The following AKAP10 variants were observed in gnomAD, a reference collection of about 807,000 sequenced individuals.
AKAP10 encodes the protein A-kinase anchoring protein 10.
Under a neutral mutation model 80.8 loss-of-function variants are expected in AKAP10, and 24 were observed. The observed-to-expected ratio is 0.30, with a 90% CI of 0.22 to 0.42. The LOEUF is 0.42. Ranked by LOEUF, AKAP10 falls within the 10% of genes least tolerant of loss-of-function variation. AKAP10 has a pLI of 1.00. For missense variants in AKAP10, 661 were observed against 794.9 expected (o/e 0.83, Z 2.03); for synonymous variants, 291 against 277.7 (o/e 1.05, Z -0.48).
intron 4 of AKAP10, among the ~76,000 whole-genome samples, chr17:19,954,851 A>G (rs1427682355): frequency 6.6e-6 from 1 of 152,048 alleles, no homozygotes; most frequent in East Asian, 1.9e-4. Flanking sequence ...TTGCTTAGGC[A>G]AAGGGCTCTT....
At chr17:19,946,273 ATAT>A (rs1567766044) in intron 5 of AKAP10, among the ~76,000 whole-genome samples, 30 of 19,810 alleles carry the variant, frequency 1.5e-3, no homozygotes, top group Non-Finnish European at 2.1e-3. Flanking sequence ...ATATATATAT[ATAT>A]TTTTTTTTTT....
chr17:19,926,628 TCAAA>T (rs2042877795), intron 10 of AKAP10, among the ~76,000 whole-genome samples: 4 of 152,268 alleles, frequency 2.6e-5, no homozygotes, highest in Admixed American at 2.0e-4. Context: ...TGCTCTCTCA[TCAAA>T]CAATCTGAAA....
intron 14 of AKAP10, among the ~76,000 whole-genome samples, chr17:19,908,518 C>T (rs2042655559): frequency 6.6e-6 from 1 of 152,174 alleles, no homozygotes; most frequent in Admixed American, 6.5e-5. Flanking sequence ...CACACATATA[C>T]AGATCACTCC....
intron 2 of AKAP10, among the ~76,000 whole-genome samples, chr17:19,967,690 C>A (rs2043438096): frequency 6.6e-6 from 1 of 151,476 alleles, no homozygotes; most frequent in Non-Finnish European, 1.5e-5. Context: ...TGAGACTGGC[C>A]TGGCCAACAC....
chr17:19,932,082 ACTAC>A, intron 9 of AKAP10, 104 bp from the exon 10 acceptor site: 1 of 1,008,142 alleles, frequency 9.9e-7, no homozygotes, highest in South Asian at 1.7e-5. Context: ...ACAAATGTTA[ACTAC>A]CTATAACAAA....
chr17:19,970,993 G>GATCC lies in AKAP10; in HGVS notation c.89-2536_89-2533dup, dbSNP rs112134183. 2.7e-3 allele frequency among the ~76,000 whole-genome samples: 413 copies of GATCC among 151,964 alleles called. 1 individual carries two copies. Among genetic ancestry groups the GATCC allele is most frequent in the African/African-American group, 8.8e-3 (364 of 41,466 alleles). On this transcript the variant is annotated intron_variant, in intron 1 of 14. Transcript: ENST00000225737. ...AACACTCGAACTCCTGGGCTCAAGT[G>GATCC]ATCCTCTCATGCCACCATACCTAAT...
intron 6 of AKAP10, 25 bp downstream of exon 6, chr17:19,941,801 A>C: frequency 6.6e-7 from 1 of 1,520,062 alleles, no homozygotes; most frequent in Non-Finnish European, 8.9e-7. Flanking sequence ...TAGGATGCAC[A>C]ATGTGAAAAT....
chr17:19,941,016 C>CG lies in AKAP10; in HGVS notation c.1062-7_1062-6insC. On this transcript the variant is annotated splice_region_variant and splice_polypyrimidine_tract_variant and intron_variant, in intron 6 of 14. Transcript: ENST00000225737. ...GCAGAAACTCACTAAAGTGCCTGCA[C>CG]ATGGACAAAAGGGAAAATTTGAGGG... 1.9e-6 allele frequency: 3 copies of CG among 1,588,778 alleles called. No individual in the cohort carries two copies. The highest frequency in any genetic ancestry group is 2.6e-6 in the Non-Finnish European group (3 of 1,173,306).
At chr17:19,943,874 G>A (rs1228986076) in intron 5 of AKAP10, among the ~76,000 whole-genome samples, 1 of 152,142 alleles carries the variant, frequency 6.6e-6, no homozygotes, top group Non-Finnish European at 1.5e-5. Context: ...AGGACACCCA[G>A]TTGGTGTTCA....
intron 1 of AKAP10, among the ~76,000 whole-genome samples, chr17:19,974,905 G>C (rs544677870): frequency 2.5e-4 from 38 of 152,160 alleles, no homozygotes; most frequent in African/African-American, 9.2e-4. Context: ...ACTGGCCTCA[G>C]GTGATCCTCC....
intron 4 of AKAP10, among the ~76,000 whole-genome samples, chr17:19,955,154 G>A (rs1175400520): frequency 2.0e-5 from 3 of 151,946 alleles, no homozygotes; most frequent in Non-Finnish European, 2.9e-5. Flanking sequence ...CCCAGGAGGC[G>A]GAGGTTGCAG....
At position 19,914,628 on chromosome 17, in the gene AKAP10, C is replaced by CAAAAAAAAAAAAAAA. The variant is rs36071856; in HGVS notation, c.1835-4665_1835-4651dup. Among the ~76,000 whole-genome samples, 20 of 58,502 alleles carry CAAAAAAAAAAAAAAA rather than the reference C, an allele frequency of 3.4e-4. No homozygotes were observed. In the East Asian group the frequency reaches 0.012, roughly 34 times the overall value. The allele number at this position is 58,502 out of a possible 152,430, so 38.4% of individuals were successfully genotyped here. A position where few individuals can be genotyped will look rare whatever the true frequency, so the allele number is the denominator to read the frequency against. On this transcript the variant is annotated intron_variant, in intron 12 of 14. Coordinates refer to ENST00000225737, the MANE Select transcript of AKAP10 (RefSeq NM_007202.4). ...TGGGCAACAGAGCAAGACCCTATCT[C>CAAAAAAAAAAAAAAA]AAAAAAAAAAAAAAAAAAAAAAGAT...
At chr17:19,940,745 A>G (rs2043043099) in intron 7 of AKAP10, 142 bp downstream of exon 7, 1 of 954,298 alleles carries the variant, frequency 1.0e-6, no homozygotes, top group Non-Finnish European at 1.5e-6. Flanking sequence ...TACTCTTGCC[A>G]TCAGAAACAA....
At chr17:19,940,166 A>C (rs1303109018) in intron 7 of AKAP10, among the ~76,000 whole-genome samples, 5 of 152,246 alleles carry the variant, frequency 3.3e-5, no homozygotes, top group Admixed American at 1.3e-4. Context: ...AGAGTAAACT[A>C]ACCAAACCAA....
At chr17:19,907,399 G>A (rs1179228122) in intron 14 of AKAP10, among the ~76,000 whole-genome samples, 1 of 144,608 alleles carries the variant, frequency 6.9e-6, no homozygotes, top group Non-Finnish European at 1.5e-5. Context: ...TTATACTCTT[G>A]TTTTCTTTAA....
intron 5 of AKAP10, among the ~76,000 whole-genome samples, chr17:19,944,618 G>A (rs1005551496): frequency 1.2e-4 from 19 of 152,180 alleles, no homozygotes; most frequent in Non-Finnish European, 2.6e-4. Flanking sequence ...TCACGCCACT[G>A]CACTCCAGCC....
At chr17:19,907,040 G>A (rs556417654) in intron 14 of AKAP10, among the ~76,000 whole-genome samples, 11 of 150,234 alleles carry the variant, frequency 7.3e-5, no homozygotes, top group South Asian at 4.2e-4. Flanking sequence ...TTTTTGAGAC[G>A]GAGTTTCACT....
At chr17:19,925,849 T>C (rs1381475424) in intron 10 of AKAP10, among the ~76,000 whole-genome samples, 1 of 152,204 alleles carries the variant, frequency 6.6e-6, no homozygotes, top group African/African-American at 2.4e-5. Flanking sequence ...GTTACTCAGA[T>C]ACCAAAATCT....
At chr17:19,916,623 G>A (rs1463327121) in intron 12 of AKAP10, among the ~76,000 whole-genome samples, 3 of 151,574 alleles carry the variant, frequency 2.0e-5, no homozygotes, top group African/African-American at 7.3e-5. Flanking sequence ...GCTGTCAGAG[G>A]TATGAGACCA....
Sources: gnomAD v4.1 joint callset for allele counts (sites outside exome capture counted in the v4.1 genomes callset) on GRCh38, gnomAD v4.1.1 for gene constraint, MANE v1.5 for transcripts, NCBI Gene and HGNC (gene_info 2026-07-23, HGNC 2026-07-21) for gene names.